MAPDA: variants seen among roughly 807,000 people sequenced by gnomAD.
The protein encoded by MAPDA is N6-Methyl-AMP deaminase.
the MAPDA span, among the ~76,000 whole-genome samples, chr15:43,348,006 A>G: frequency 6.6e-6 from 1 of 152,238 alleles, no homozygotes; most frequent in Non-Finnish European, 1.5e-5. Flanking sequence ...ATTATAAGGG[A>G]ATAGCATGTG....
At chr15:43,342,649 C>G in the MAPDA span, among the ~76,000 whole-genome samples, 14 of 151,436 alleles carry the variant, frequency 9.2e-5, 1 homozygote, top group African/African-American at 3.4e-4. Flanking sequence ...ACTCAGGAGG[C>G]TGAGGTGGCA....
the MAPDA span, among the ~76,000 whole-genome samples, chr15:43,343,626 A>G: frequency 1.7e-4 from 26 of 151,900 alleles, no homozygotes; most frequent in Non-Finnish European, 3.2e-4. Flanking sequence ...TCACCCATCT[A>G]TTTCCTTTAT....
chr15:43,351,617 A>G, the MAPDA span: 1 of 761,696 alleles, frequency 1.3e-6, no homozygotes, highest in Non-Finnish European at 2.1e-6. Context: ...CTATGCATAG[A>G]TAAATTTGTA....
chr15:43,348,925 GAAACAC>G, the MAPDA span: 1 of 1,613,564 alleles, frequency 6.2e-7, no homozygotes, highest in Non-Finnish European at 8.5e-7. Flanking sequence ...CCAAAAAAAA[GAAACAC>G]AAATACTCCT....
At chr15:43,340,442 AC>A in the MAPDA span, 1 of 1,031,556 alleles carries the variant, frequency 9.7e-7, no homozygotes, top group African/African-American at 1.6e-5. Flanking sequence ...TGAAGCACTA[AC>A]TTTTATACTA....
chr15:43,349,705 A>G, the MAPDA span, among the ~76,000 whole-genome samples: 1 of 152,252 alleles, frequency 6.6e-6, no homozygotes, highest in Non-Finnish European at 1.5e-5. Context: ...GCTGCAAACT[A>G]TTTTACAGAA....
the MAPDA span, among the ~76,000 whole-genome samples, chr15:43,339,229 T>G: frequency 6.6e-6 from 1 of 152,212 alleles, no homozygotes; most frequent in Non-Finnish European, 1.5e-5. Flanking sequence ...AGCAGTGGTA[T>G]CTTGCTTGGT....
the MAPDA span, among the ~76,000 whole-genome samples, chr15:43,339,307 C>T: frequency 6.6e-6 from 1 of 152,266 alleles, no homozygotes; most frequent in East Asian, 1.9e-4. Flanking sequence ...GAATCTGGGT[C>T]TTTAGACCTC....
chr15:43,330,487 C>A, the MAPDA span: 1 of 1,519,774 alleles, frequency 6.6e-7, no homozygotes, highest in South Asian at 1.3e-5. Flanking sequence ...TCCGGGGGCC[C>A]ATGGCCAGAA....
At chr15:43,332,980 G>A in the MAPDA span, among the ~76,000 whole-genome samples, 5 of 152,100 alleles carry the variant, frequency 3.3e-5, no homozygotes, top group Non-Finnish European at 7.4e-5. Flanking sequence ...TTTTTAATGT[G>A]TAAAGATTAT....
At chr15:43,337,017 C>T in the MAPDA span, among the ~76,000 whole-genome samples, 1 of 151,870 alleles carries the variant, frequency 6.6e-6, no homozygotes, top group African/African-American at 2.4e-5. Context: ...GCCTGTAATC[C>T]CAGCACTCTG....
chr15:43,343,064 C>A, the MAPDA span: 1 of 1,575,876 alleles, frequency 6.3e-7, no homozygotes, highest in African/African-American at 1.4e-5. Context: ...AAAACTTGGA[C>A]ATTGATGTTA....
At chr15:43,343,179 T>A in the MAPDA span, 3 of 736,914 alleles carry the variant, frequency 4.1e-6, no homozygotes, top group African/African-American at 5.5e-5. Flanking sequence ...AATCATTCAT[T>A]GATTTATACA....
the MAPDA span, among the ~76,000 whole-genome samples, chr15:43,345,326 G>T: frequency 6.9e-6 from 1 of 145,852 alleles, no homozygotes; most frequent in Non-Finnish European, 1.5e-5. Context: ...TTGCACTCCA[G>T]CCTGGGCGAC....
the MAPDA span, chr15:43,346,960 G>T: frequency 3.7e-6 from 5 of 1,363,868 alleles, no homozygotes; most frequent in Non-Finnish European, 1.0e-6. Context: ...GGAGTACTCA[G>T]TTCCTCAGTT....
the MAPDA span, chr15:43,351,408 G>A: frequency 3.0e-6 from 1 of 327,910 alleles, no homozygotes; most frequent in Non-Finnish European, 5.5e-6. Flanking sequence ...CTAGCAAAAG[G>A]TACTTGAGAG....
chr15:43,346,965 T>C, the MAPDA span: 2 of 1,441,798 alleles, frequency 1.4e-6, no homozygotes, highest in Admixed American at 3.4e-5. Context: ...ACTCAGTTCC[T>C]CAGTTTTCCC....
chr15:43,345,131 G>A, the MAPDA span, among the ~76,000 whole-genome samples: 1 of 151,924 alleles, frequency 6.6e-6, no homozygotes, highest in Admixed American at 6.6e-5. Context: ...GAGGCGGGCG[G>A]ATCATGAGGT....
the MAPDA span, among the ~76,000 whole-genome samples, chr15:43,342,369 G>GC: frequency 6.7e-6 from 1 of 150,262 alleles, no homozygotes; most frequent in African/African-American, 2.5e-5. Flanking sequence ...GAAACACTAA[G>GC]CCCGAGCAGG....
Sources: allele counts gnomAD v4.1 joint callset (sites outside exome capture counted in the v4.1 genomes callset), GRCh38; gene constraint gnomAD v4.1.1; transcripts MANE v1.5; gene names NCBI Gene and HGNC (gene_info 2026-07-23, HGNC 2026-07-21).